IPO11: variants seen among roughly 807,000 people sequenced by gnomAD.
The protein encoded by IPO11 is importin 11, also known as importin-11.
A neutral mutation model predicts 143.2 loss-of-function variants in IPO11; 66 were observed. That is an observed-to-expected ratio of 0.46 (90% CI 0.38 to 0.57). The LOEUF is 0.57. Among genes scored for constraint, IPO11 ranks in the 20% least tolerant of loss-of-function variants. The pLI, the probability that IPO11 is intolerant of heterozygous loss-of-function variation, is 0.00. For missense variants in IPO11, 1,026 were observed against 1,141.0 expected (o/e 0.90, Z 1.45); for synonymous variants, 385 against 377.8 (o/e 1.02, Z -0.22).
At chr5:62,466,325 A>AT (rs1745574086) in intron 5 of IPO11, among the ~76,000 whole-genome samples, 1 of 152,194 alleles carries the variant, frequency 6.6e-6, no homozygotes, top group Non-Finnish European at 1.5e-5. Context: ...TAGAAACATG[A>AT]TTTTAACAGG....
At position 62,471,759 on chromosome 5, in the gene IPO11, A is replaced by G. The variant is rs1745779328; in HGVS notation, c.708+1451A>G. Among the ~76,000 whole-genome samples the G allele has an allele frequency of 2.0e-5, 3 of 152,230 alleles. No homozygotes were observed. In the South Asian group the frequency reaches 6.2e-4, roughly 31 times the overall value. The stretch of plus-strand genomic sequence containing the variant: ...AGTGTCAGTAGACTAATTTTTTAAA[A>G]AAGAGATATTAATATAGGATTCTTA... On this transcript the variant is annotated intron_variant, in intron 7 of 29. Coordinates refer to ENST00000325324, the MANE Select transcript of IPO11 (RefSeq NM_016338.5).
intron 29 of IPO11, among the ~76,000 whole-genome samples, chr5:62,603,838 C>T (rs1175269222): frequency 6.6e-6 from 1 of 152,228 alleles, no homozygotes; most frequent in Non-Finnish European, 1.5e-5. Flanking sequence ...CTCAGCAACA[C>T]AACATTTCGG....
intron 5 of IPO11, among the ~76,000 whole-genome samples, chr5:62,458,293 T>G (rs1353826817): frequency 6.6e-6 from 1 of 152,170 alleles, no homozygotes; most frequent in African/African-American, 2.4e-5. Context: ...CTCTGTGTAA[T>G]TTTATAGTGG....
chr5:62,525,822 A>T (rs32186), intron 20 of IPO11, among the ~76,000 whole-genome samples: 108,483 of 152,204 alleles, frequency 0.71, 39,386 homozygotes, highest in African/African-American at 0.85. Flanking sequence ...AAAATACCAA[A>T]GTTAGTATGT....
At chr5:62,508,298 A>ATTTTTTTTTTT (rs70981020) in intron 19 of IPO11, among the ~76,000 whole-genome samples, 5 of 127,502 alleles carry the variant, frequency 3.9e-5, no homozygotes, top group Non-Finnish European at 6.6e-5. Flanking sequence ...TGCCTGGCTA[A>ATTTTTTTTTTT]TTTTTTTTTT....
chr5:62,470,822 T>A lies in IPO11; in HGVS notation c.708+514T>A, dbSNP rs1221501498. Among the ~76,000 whole-genome samples the A allele has an allele frequency of 9.0e-5, 3 of 33,384 alleles. No homozygotes were observed. In the East Asian group the frequency reaches 2.2e-3, roughly 24 times the overall value. 21.9% of individuals were successfully genotyped at this position (33,384 alleles called of 152,430 possible). ...GTCTGTAGATAGCCATCTTCTTTTT[T>A]TTTTTTTTTTTTTTTTTTTTTTTGA... On this transcript the variant is annotated intron_variant, in intron 7 of 29. Coordinates refer to ENST00000325324, the MANE Select transcript of IPO11 (RefSeq NM_016338.5).
rs183809597 is a variant in IPO11 at position 62,569,211 on chromosome 5, C to T, written c.2582+7954C>T. Among the ~76,000 whole-genome samples, 664 of 152,260 alleles carry T rather than the reference C, an allele frequency of 4.4e-3. 1 individual carries two copies. The highest frequency in any genetic ancestry group is 7.9e-3 in the Non-Finnish European group (534 of 68,016). ...TGCAAACTTCCTTCTCTCTCTCCCC[C>T]AAGCACACAGCTTCTGTCTCTGCCC... On this transcript the variant is annotated intron_variant, in intron 27 of 29. Transcript: ENST00000325324.
Position 62,627,915 on chromosome 5 carries a change from T to C in IPO11, c.*597T>C, listed in dbSNP as rs1746641612. The C allele has an allele frequency of 6.6e-6, 1 of 152,456 alleles. No individual in the cohort carries two copies. The highest frequency in any genetic ancestry group is 2.4e-5 in the African/African-American group (1 of 41,464). The allele number at this position is 152,456 out of a possible 1,614,324, so 9.4% of individuals were successfully genotyped here. A position where few individuals can be genotyped will look rare whatever the true frequency, so the allele number is the denominator to read the frequency against. On this transcript the variant is annotated 3_prime_UTR_variant, in exon 30 of 30. Transcript: ENST00000325324. ...ATGCTTTTATTTTCATTCTAATAAT[T>C]TGATACAGAAATTAGTAAAGGCATT...
rs116394486 is a variant in IPO11 at position 62,548,223 on chromosome 5, C to T, written c.2251-2144C>T. Among the ~76,000 whole-genome samples, 671 of 152,262 alleles carry T rather than the reference C, an allele frequency of 4.4e-3. 7 individuals are homozygous for T. The highest frequency in any genetic ancestry group is 0.016 in the African/African-American group (647 of 41,554). ...TTTTCTGTACAATCTTTTGTATTCT[C>T]TGGAAGTAATACTTACCTTTTTTTG... On this transcript the variant is annotated intron_variant, in intron 24 of 29. Transcript: ENST00000325324.
chr5:62,553,347 TG>T (rs1743458598), intron 26 of IPO11, among the ~76,000 whole-genome samples: 3 of 30,430 alleles, frequency 9.9e-5, no homozygotes, highest in Middle Eastern at 0.019. Context: ...TGTGTGTGTG[TG>T]TGTGTGTGTG....
chr5:62,424,915 G>GTTTC (rs779869847), intron 1 of IPO11, among the ~76,000 whole-genome samples: 5 of 152,060 alleles, frequency 3.3e-5, no homozygotes, highest in Non-Finnish European at 7.4e-5. Context: ...TTTACCTTGA[G>GTTTC]TAGAACTCAA....
intron 27 of IPO11, chr5:62,581,367 C>A (rs1744553940): frequency 8.2e-7 from 1 of 1,218,272 alleles, no homozygotes; most frequent in Admixed American, 3.4e-5. Flanking sequence ...AAACTGAAAC[C>A]TCCTTATATA....
At chr5:62,542,821 T>C (rs1469930016) in intron 24 of IPO11, among the ~76,000 whole-genome samples, 1 of 152,254 alleles carries the variant, frequency 6.6e-6, no homozygotes, top group Non-Finnish European at 1.5e-5. Flanking sequence ...CTATGACTTT[T>C]TGAATTCTCA....
At chr5:62,552,371 C>G (rs976944320) in intron 26 of IPO11, among the ~76,000 whole-genome samples, 1 of 151,568 alleles carries the variant, frequency 6.6e-6, no homozygotes. Context: ...TAGAATTAGA[C>G]TAATCTAATT....
intron 1 of IPO11, among the ~76,000 whole-genome samples, chr5:62,424,583 G>A (rs1743649960): frequency 6.6e-6 from 1 of 150,826 alleles, no homozygotes; most frequent in African/African-American, 2.4e-5. Context: ...ACCTGGCTAA[G>A]GTTTTTTTTT....
intron 27 of IPO11, among the ~76,000 whole-genome samples, chr5:62,577,514 A>G (rs1326754278): frequency 1.3e-5 from 2 of 152,180 alleles, no homozygotes; most frequent in African/African-American, 2.4e-5. Context: ...GACAAGCTTC[A>G]TATCACCTTG....
intron 29 of IPO11, among the ~76,000 whole-genome samples, chr5:62,615,416 G>A (rs1010574916): frequency 6.6e-5 from 10 of 152,190 alleles, no homozygotes; most frequent in African/African-American, 2.4e-4. Flanking sequence ...GCAGTTGCAG[G>A]AGTATCATTC....
chr5:62,432,997 G>C (rs942510048), intron 1 of IPO11, among the ~76,000 whole-genome samples: 1 of 152,028 alleles, frequency 6.6e-6, no homozygotes, highest in African/African-American at 2.4e-5. Context: ...GGACACATTG[G>C]GAACATTCTG....
chr5:62,558,400 T>C (rs1300170219), intron 26 of IPO11, among the ~76,000 whole-genome samples: 1 of 152,194 alleles, frequency 6.6e-6, no homozygotes, highest in South Asian at 2.1e-4. Context: ...AAACTAAAAT[T>C]AGTATTTATT....
Sources: gnomAD v4.1 joint callset for allele counts (sites outside exome capture counted in the v4.1 genomes callset) on GRCh38, gnomAD v4.1.1 for gene constraint, MANE v1.5 for transcripts, NCBI Gene and HGNC (gene_info 2026-07-23, HGNC 2026-07-21) for gene names.